PTGIS: variants seen among roughly 807,000 people sequenced by gnomAD.
PTGIS encodes prostaglandin I2 synthase, also known as prostacyclin synthase.
PTGIS carries 45 observed loss-of-function variants against 50.3 expected under a neutral mutation model. The ratio of observed to expected loss-of-function variants is 0.90; its 90% CI spans 0.70 to 1.15. The LOEUF (loss-of-function observed/expected upper bound fraction) is 1.15, where lower values mean the gene tolerates loss of function less well. Among genes scored for constraint, PTGIS ranks in the 50% most tolerant of loss-of-function variants. PTGIS has a pLI of 0.00. For missense variants in PTGIS, 668 were observed against 661.3 expected, an observed-to-expected ratio of 1.01 and a Z score of -0.11; for synonymous variants, 260 against 267.7, an observed-to-expected ratio of 0.97 and a Z score of 0.28.
chr20:49,511,222 C>A, intron 8 of PTGIS, 43 bp from the exon 9 acceptor site: 1 of 1,609,744 alleles, frequency 6.2e-7, no homozygotes, highest in Non-Finnish European at 8.5e-7. Flanking sequence ...ATTCCCAGAA[C>A]AAGCTCACAC....
At chr20:49,542,145 G>C (rs1407748602) in intron 4 of PTGIS, among the ~76,000 whole-genome samples, 3 of 152,222 alleles carry the variant, frequency 2.0e-5, no homozygotes, top group Non-Finnish European at 4.4e-5. Flanking sequence ...AGAGGTAGGT[G>C]GGAGGAGGGG....
intron 5 of PTGIS, among the ~76,000 whole-genome samples, chr20:49,529,655 C>T (rs1981883772): frequency 6.6e-6 from 1 of 152,170 alleles, no homozygotes; most frequent in Admixed American, 6.5e-5. Flanking sequence ...GGGGGTGAAT[C>T]ATCCCTCTGT....
intron 5 of PTGIS, among the ~76,000 whole-genome samples, chr20:49,536,900 G>A (rs1317839708): frequency 6.6e-6 from 1 of 152,164 alleles, no homozygotes; most frequent in Admixed American, 6.5e-5. Context: ...CACAGATGCT[G>A]GGAGGGGGAG....
intron 9 of PTGIS, among the ~76,000 whole-genome samples, chr20:49,509,304 C>A (rs1458879962): frequency 2.6e-5 from 4 of 152,172 alleles, no homozygotes; most frequent in Non-Finnish European, 5.9e-5. Flanking sequence ...ATCTGACCTG[C>A]CTAGACTCGG....
intron 1 of PTGIS, among the ~76,000 whole-genome samples, chr20:49,553,006 GA>G (rs1982550018): frequency 6.6e-6 from 1 of 152,006 alleles, no homozygotes; most frequent in Non-Finnish European, 1.5e-5. Context: ...TACTTTATCA[GA>G]AAAATAGAAA....
Position 49,517,613 on chromosome 20 carries a change from A to C in PTGIS, c.856-3218T>G, listed in dbSNP as rs189769463. Among the ~76,000 whole-genome samples the C allele has an allele frequency of 2.4e-4, 37 of 152,310 alleles. No individual in the cohort carries two copies. The East Asian group carries it at 6.8e-3, about 28-fold the overall frequency. ...CCTCCTACTGCAGCCAAAGGCCATG[A>C]CCCAAAAGCAGTGCCACCCCTGTTC... On this transcript the variant is annotated intron_variant, in intron 6 of 9. Coordinates refer to ENST00000244043, the MANE Select transcript of PTGIS (RefSeq NM_000961.4).
intron 8 of PTGIS, among the ~76,000 whole-genome samples, chr20:49,511,465 G>T (rs1981318235): frequency 6.6e-6 from 1 of 152,228 alleles, no homozygotes; most frequent in South Asian, 2.1e-4. Flanking sequence ...GCATGTGAAT[G>T]TGTTGTGTGT....
intron 1 of PTGIS, among the ~76,000 whole-genome samples, chr20:49,551,806 T>TTGTGTGTG (rs58517059): frequency 1.4e-4 from 20 of 142,680 alleles, no homozygotes; most frequent in East Asian, 6.2e-4. Context: ...GTGTATGTGT[T>TTGTGTGTG]TGTGTGTGTG....
intron 7 of PTGIS, 28 bp downstream of exon 7, chr20:49,514,199 G>T (rs1361106652): frequency 6.2e-7 from 1 of 1,611,630 alleles, no homozygotes; most frequent in Admixed American, 1.7e-5. Flanking sequence ...AGTCTTAGGG[G>T]CTATCTTGGA....
At chr20:49,536,470 C>CTTTTTTTTTTTT (rs1471525960) in intron 5 of PTGIS, among the ~76,000 whole-genome samples, 2 of 135,104 alleles carry the variant, frequency 1.5e-5, no homozygotes, top group Admixed American at 7.3e-5. Context: ...TTCTTTCTTT[C>CTTTTTTTTTTTT]TTTCTTTCTT....
intron 4 of PTGIS, among the ~76,000 whole-genome samples, chr20:49,541,379 CAG>C (rs1233290753): frequency 1.4e-4 from 22 of 152,212 alleles, no homozygotes; most frequent in Admixed American, 9.8e-4. Flanking sequence ...TTTGCTAACT[CAG>C]AGAACCATTT....
chr20:49,566,770 G>T (rs1982909603), intron 1 of PTGIS, among the ~76,000 whole-genome samples: 1 of 152,316 alleles, frequency 6.6e-6, no homozygotes, highest in African/African-American at 2.4e-5. Flanking sequence ...GACTGAGGAG[G>T]TATGAAAACT....
intron 5 of PTGIS, among the ~76,000 whole-genome samples, chr20:49,532,262 C>T (rs1423587439): frequency 6.6e-6 from 1 of 151,958 alleles, no homozygotes; most frequent in Non-Finnish European, 1.5e-5. Context: ...AAATGTGATT[C>T]CCATTATTTG....
chr20:49,541,083 C>A (rs1308889217), intron 4 of PTGIS, among the ~76,000 whole-genome samples: 4 of 152,232 alleles, frequency 2.6e-5, no homozygotes, highest in Admixed American at 6.5e-5. Context: ...GGATTCAGTC[C>A]ACAAATGTGT....
intron 6 of PTGIS, 53 bp downstream of exon 6, chr20:49,524,005 A>G: frequency 1.2e-6 from 2 of 1,603,770 alleles, no homozygotes; most frequent in Non-Finnish European, 1.7e-6. Context: ...ATGCGTTCAT[A>G]TCGCAACCAC....
intron 5 of PTGIS, among the ~76,000 whole-genome samples, chr20:49,536,445 C>CTT (rs1568677748): frequency 7.3e-6 from 1 of 137,220 alleles, no homozygotes; most frequent in African/African-American, 2.7e-5. Context: ...AGTGCTTTTT[C>CTT]TTTTTTTCTT....
chr20:49,547,716 T>G, intron 3 of PTGIS, 125 bp downstream of exon 3: 2 of 1,120,306 alleles, frequency 1.8e-6, no homozygotes, highest in Non-Finnish European at 2.7e-6. Flanking sequence ...TGTTTCTGTT[T>G]GTGTTCTCAA....
At chr20:49,539,742 G>A in intron 4 of PTGIS, 21 bp from the exon 5 acceptor site, 1 of 1,605,510 alleles carries the variant, frequency 6.2e-7, no homozygotes, top group Non-Finnish European at 8.5e-7. Context: ...CAGACAGAGG[G>A]TCAGGGGTCC....
rs143907119 is a variant in PTGIS, at chr20:49,543,884, C to T, written c.521+421G>A. Among the ~76,000 whole-genome samples the T allele has an allele frequency of 1.0e-3, 155 of 152,308 alleles. No homozygotes were observed. In the Middle Eastern group the frequency reaches 0.01, roughly 10 times the overall value. On this transcript the variant is annotated intron_variant, in intron 4 of 9. Transcript: ENST00000244043. ...TGTATCCCCAGAGCCTGGATTAGTG[C>T]CCGGCACTGCTGAAGGAAGGAACGT...
Sources: allele counts gnomAD v4.1 joint callset (sites outside exome capture counted in the v4.1 genomes callset), GRCh38; gene constraint gnomAD v4.1.1; transcripts MANE v1.5; gene names NCBI Gene and HGNC (gene_info 2026-07-23, HGNC 2026-07-21).